The following FGF14 variants were observed in gnomAD, a reference collection of about 807,000 sequenced individuals.
The protein encoded by FGF14 is fibroblast growth factor homologous factor 4.
Under a neutral mutation model 25.5 loss-of-function variants are expected in FGF14, and 5 were observed. That is an observed-to-expected ratio of 0.20 (90% CI 0.10 to 0.41). FGF14 has a LOEUF of 0.41. Among genes scored for constraint, FGF14 ranks in the 10% least tolerant of loss-of-function variants. The pLI is 1.00. For synonymous variants in FGF14, 138 were observed against 118.3 expected (o/e 1.17, Z -1.08); for missense variants, 222 against 320.1 (o/e 0.69, Z 2.34).
intron 1 of FGF14, among the ~76,000 whole-genome samples, chr13:102,339,025 A>AG (rs1491372832): frequency 4.1e-5 from 6 of 147,782 alleles, no homozygotes; most frequent in Admixed American, 2.7e-4. Context: ...AAAAAAAAAA[A>AG]GAAAGAAAAG....
At chr13:102,037,918 A>G (rs2067762546) in intron 1 of FGF14, among the ~76,000 whole-genome samples, 1 of 152,136 alleles carries the variant, frequency 6.6e-6, no homozygotes, top group Non-Finnish European at 1.5e-5. Context: ...CTCCATGTTA[A>G]TTCCCCCATT....
intron 1 of FGF14, among the ~76,000 whole-genome samples, chr13:102,102,238 G>T (rs1026046196): frequency 6.6e-6 from 1 of 152,208 alleles, no homozygotes; most frequent in Non-Finnish European, 1.5e-5. Context: ...CAAGGTGTAA[G>T]AAGAAATGGC....
At chr13:102,094,371 A>T (rs1176978738) in intron 1 of FGF14, among the ~76,000 whole-genome samples, 1 of 152,214 alleles carries the variant, frequency 6.6e-6, no homozygotes, top group Non-Finnish European at 1.5e-5. Flanking sequence ...AAATATGAAG[A>T]TAACAAGAGA....
chr13:102,214,333 T>C (rs2050279326), intron 1 of FGF14, among the ~76,000 whole-genome samples: 1 of 152,250 alleles, frequency 6.6e-6, no homozygotes. Context: ...CGCAGTGTCA[T>C]TTTTATTGTC....
intron 1 of FGF14, among the ~76,000 whole-genome samples, chr13:102,010,961 A>G (rs943127641): frequency 2.0e-5 from 3 of 152,208 alleles, no homozygotes; most frequent in African/African-American, 7.2e-5. Context: ...TACATAAATC[A>G]GAATATGCTA....
In FGF14 at chr13:101,850,750, A is replaced by G. The variant is rs952732138; in HGVS notation, c.408+17975T>C. Among the ~76,000 whole-genome samples the G allele has an allele frequency of 2.2e-4, 33 of 149,348 alleles. 2 individuals carry two copies. Among genetic ancestry groups the G allele is most frequent in the Admixed American group, 2.2e-3 (32 of 14,820 alleles). The stretch of plus-strand genomic sequence containing the variant: ...GAGAAGATATATAGAGTGTGTATAT[A>G]TATTCTATATCCAGAACTATTGCCC... On this transcript the variant is annotated intron_variant, in intron 3 of 4. Transcript: ENST00000376143.
At chr13:102,179,659 G>C (rs1476610175) in intron 1 of FGF14, among the ~76,000 whole-genome samples, 1 of 152,120 alleles carries the variant, frequency 6.6e-6, no homozygotes, top group Non-Finnish European at 1.5e-5. Context: ...GTGATCTGTT[G>C]TGAAGTAGCA....
At chr13:101,932,483 A>G (rs1350156248) in intron 1 of FGF14, among the ~76,000 whole-genome samples, 5 of 143,892 alleles carry the variant, frequency 3.5e-5, no homozygotes, top group African/African-American at 1.1e-4. Context: ...CAGTGAGCCA[A>G]GATCACGCCA....
chr13:102,389,618 C>G (rs2058384596), intron 1 of FGF14, among the ~76,000 whole-genome samples: 1 of 152,272 alleles, frequency 6.6e-6, no homozygotes, highest in East Asian at 1.9e-4. Context: ...GATTTGTTTC[C>G]TGACCAGGAT....
intron 3 of FGF14, chr13:101,802,265 A>G: frequency 4.2e-6 from 1 of 238,756 alleles, no homozygotes; most frequent in Non-Finnish European, 8.5e-6. Context: ...GTGACAGGAC[A>G]AAGCAGACTG....
intron 1 of FGF14, among the ~76,000 whole-genome samples, chr13:102,320,904 C>A (rs1439069544): frequency 6.6e-6 from 1 of 152,168 alleles, no homozygotes; most frequent in African/African-American, 2.4e-5. Flanking sequence ...ACACTGAATT[C>A]TTAGCCAACT....
At position 102,164,178 on chromosome 13, in the gene FGF14, G is replaced by A. The variant is rs189277575; in HGVS notation, c.208+237293C>T. Among the ~76,000 whole-genome samples, 255 of 152,260 alleles carry A rather than the reference G, an allele frequency of 1.7e-3. 1 individual carries two copies. In the East Asian group the frequency reaches 0.026, roughly 16 times the overall value. On this transcript the variant is annotated intron_variant, in intron 1 of 4. Transcript: ENST00000376131. ...ACAATGCCATAGGACCACAGGACAC[G>A]AGCAAGAAATAAATCTTTCTCTTTG...
chr13:101,839,376 G>C (rs2043089532), intron 3 of FGF14, among the ~76,000 whole-genome samples: 2 of 151,986 alleles, frequency 1.3e-5, no homozygotes, highest in Non-Finnish European at 2.9e-5. Context: ...TTTAGTACTT[G>C]AAGGCGACAT....
chr13:102,167,040 C>T (rs2048042338), intron 1 of FGF14, among the ~76,000 whole-genome samples: 1 of 152,066 alleles, frequency 6.6e-6, no homozygotes, highest in Non-Finnish European at 1.5e-5. Flanking sequence ...CAGTGGTTCA[C>T]CTGTAATCCC....
chr13:101,798,131 A>G (rs74121032), intron 3 of FGF14, among the ~76,000 whole-genome samples: 2,261 of 152,240 alleles, frequency 0.015, 69 homozygotes, highest in African/African-American at 0.052. Flanking sequence ...GCATTCTAAT[A>G]AAAGAAAAAA....
At chr13:101,895,335 TTATAAG>T (rs140335381) in intron 1 of FGF14, among the ~76,000 whole-genome samples, 10 of 152,274 alleles carry the variant, frequency 6.6e-5, no homozygotes, top group Non-Finnish European at 1.3e-4. Flanking sequence ...CTTTAGTCCT[TTATAAG>T]TATAAAGTAA....
Position 101,716,284 on chromosome 13 carries a change from C to T in FGF14, c.*6547G>A, listed in dbSNP as rs1043691281. On this transcript the variant is annotated 3_prime_UTR_variant, in exon 5 of 5. Coordinates refer to ENST00000376143, the MANE Select transcript of FGF14 (RefSeq NM_004115.4). ...GTAGAATATCAGAGTGGGGCTGGAT[C>T]AAGGGCAAAAACTGGTCATTAAGTC... 5.3e-5 allele frequency: 8 copies of T among 152,222 alleles called. No individual in the cohort carries two copies. The highest frequency in any genetic ancestry group is 1.7e-4 in the African/African-American group (7 of 41,544). The allele number at this position is 152,222 out of a possible 1,614,324, so 9.4% of individuals were successfully genotyped here.
intron 1 of FGF14, among the ~76,000 whole-genome samples, chr13:102,342,577 A>G (rs1057193711): frequency 6.6e-6 from 1 of 152,190 alleles, no homozygotes; most frequent in Admixed American, 6.5e-5. Flanking sequence ...AATACTGAAC[A>G]TACTAATATA....
At chr13:101,968,643 A>G (rs2037380690) in intron 1 of FGF14, among the ~76,000 whole-genome samples, 2 of 141,952 alleles carry the variant, frequency 1.4e-5, no homozygotes. Context: ...ACTGCAATCC[A>G]GCCTGGGCGA....
Sources: allele counts gnomAD v4.1 joint callset (sites outside exome capture counted in the v4.1 genomes callset), GRCh38; gene constraint gnomAD v4.1.1; transcripts MANE v1.5; gene names NCBI Gene and HGNC (gene_info 2026-07-23, HGNC 2026-07-21).